ENO4: variants seen among roughly 807,000 people sequenced by gnomAD.
The protein encoded by ENO4 is 2-phospho-D-glycerate hydro-lyase.
Under a neutral mutation model 63.2 loss-of-function variants are expected in ENO4, and 53 were observed. The ratio of observed to expected loss-of-function variants is 0.84; its 90% confidence interval spans 0.67 to 1.05. ENO4 has a LOEUF of 1.05. Ranked by LOEUF, ENO4 falls within the 50% of genes least tolerant of loss-of-function variation. The pLI is 0.00. For synonymous variants in ENO4, 266 were observed against 283.8 expected, an observed-to-expected ratio of 0.94 and a Z score of 0.63; for missense variants, 719 against 772.0, an observed-to-expected ratio of 0.93 and a Z score of 0.81.
intron 11 of ENO4, among the ~76,000 whole-genome samples, chr10:116,877,373 A>G (rs1846867612): frequency 1.3e-5 from 2 of 152,148 alleles, no homozygotes; most frequent in African/African-American, 4.8e-5. Context: ...AGCTACTTAT[A>G]ATATATCCCG....
In ENO4 at chr10:116,879,753, G is replaced by A. The variant is rs1257977782; in HGVS notation, c.1606-116G>A. 8 of 793,018 alleles carry A rather than the reference G, an allele frequency of 1.0e-5. 1 individual carries two copies. Among genetic ancestry groups the A allele is most frequent in the Non-Finnish European group, 1.6e-5 (8 of 498,476 alleles). 49.1% of individuals were successfully genotyped at this position (793,018 alleles called of 1,614,324 possible). A position where few individuals can be genotyped will look rare whatever the true frequency, so the allele number is the denominator to read the frequency against. The stretch of plus-strand genomic sequence containing the variant: ...GTGCTTACATAAAGATAAAAAACTA[G>A]TAAGAGAAAATCCCAAACAGCACAC... On this transcript the variant is annotated intron_variant, in intron 12 of 13. Coordinates refer to ENST00000341276, the MANE Select transcript of ENO4 (RefSeq NM_001242699.2).
chr10:116,879,347 C>G lies in ENO4; in HGVS notation c.1594C>G (p.Leu532Val). Reference protein sequence around the residue: ...STEGESSDDSLVDLAVGLGVR... With the variant: ...STEGESSDDSVVDLAVGLGVR... ...AGAAGGAGAATCATCTGATGACAGC[C>G]TTGTCGATTTGGTAAGTGCTGAATG... The change falls in exon 12 of 14, where the codon CTT (leucine) becomes GTT (valine). Residue 532 changes from leucine to valine, a missense_variant. Coordinates refer to ENST00000341276, the MANE Select transcript of ENO4 (RefSeq NM_001242699.2). 6.5e-7 allele frequency: 1 copy of G among 1,549,842 alleles called. No individual in the cohort carries two copies. The highest frequency in any genetic ancestry group is 8.7e-7 in the Non-Finnish European group (1 of 1,146,394).
intron 7 of ENO4, among the ~76,000 whole-genome samples, chr10:116,863,902 G>A (rs375373751): frequency 1.3e-5 from 2 of 152,146 alleles, no homozygotes; most frequent in African/African-American, 4.8e-5. Context: ...CTCAGACTTC[G>A]ACAAGTTAGC....
chr10:116,906,041 A>G (rs2133335087), intron 10 of ENO4, among the ~76,000 whole-genome samples: 2 of 152,364 alleles, frequency 1.3e-5, no homozygotes, highest in South Asian at 4.1e-4. Flanking sequence ...AAGTTAATGG[A>G]TACAAAGAGT....
At chr10:116,893,722 A>T (rs745636214) in intron 10 of ENO4, among the ~76,000 whole-genome samples, 1 of 152,148 alleles carries the variant, frequency 6.6e-6, no homozygotes. Context: ...ATTTGAACAA[A>T]ACATGACCCC....
chr10:116,864,645 G>A (rs1326560583), intron 7 of ENO4, among the ~76,000 whole-genome samples: 1 of 152,060 alleles, frequency 6.6e-6, no homozygotes, highest in Admixed American at 6.6e-5. Flanking sequence ...CCTACAGACT[G>A]CCACCCTCAG....
chr10:116,884,083 A>G (rs1847096381), downstream of ENO4: 2 of 373,234 alleles, frequency 5.4e-6, no homozygotes, highest in Non-Finnish European at 1.1e-5. Flanking sequence ...AACAGAAGGA[A>G]GCATAAATAA....
intron 6 of ENO4, 24 bp downstream of exon 6, chr10:116,861,214 C>G: frequency 1.0e-6 from 1 of 958,916 alleles, no homozygotes; most frequent in South Asian, 3.8e-5. Flanking sequence ...TCTTAAATTA[C>G]CTTTTCTAAA....
At chr10:116,879,732 T>C (rs946830295) in intron 12 of ENO4, 137 bp from the exon 13 acceptor site, 2 of 690,980 alleles carry the variant, frequency 2.9e-6, no homozygotes, top group African/African-American at 3.6e-5. Flanking sequence ...GCCACTGTGC[T>C]TACATAAAGA....
At chr10:116,880,098 T>C (rs573936830) in intron 13 of ENO4, 112 bp downstream of exon 13, 4 of 752,966 alleles carry the variant, frequency 5.3e-6, no homozygotes, top group South Asian at 2.1e-5. Context: ...CCAAAGACCA[T>C]ACATAAGTGC....
chr10:116,911,390 A>C (rs1333903153), intron 10 of ENO4: 6 of 1,409,008 alleles, frequency 4.3e-6, no homozygotes, highest in East Asian at 2.5e-5. Flanking sequence ...TTTGGGGAGG[A>C]ATTTAGCTTC....
At chr10:116,908,983 C>T (rs1215250572) in intron 10 of ENO4, among the ~76,000 whole-genome samples, 2 of 152,148 alleles carry the variant, frequency 1.3e-5, no homozygotes, top group Non-Finnish European at 2.9e-5. Flanking sequence ...TGACTCTCAA[C>T]TGAAATGATG....
At chr10:116,854,583 G>A (rs1283357161) in intron 1 of ENO4, among the ~76,000 whole-genome samples, 1 of 147,928 alleles carries the variant, frequency 6.8e-6, no homozygotes, top group East Asian at 2.0e-4. Context: ...AAAAAATTCA[G>A]CCCATGTCAG....
intron 10 of ENO4, chr10:116,907,900 C>T (rs1238626723): frequency 3.9e-6 from 2 of 518,340 alleles, no homozygotes; most frequent in South Asian, 2.8e-5. Context: ...AATCCTGCTC[C>T]CTCCCTGCCT....
intron 10 of ENO4, chr10:116,900,963 AC>A: frequency 1.0e-6 from 1 of 985,432 alleles, no homozygotes; most frequent in Non-Finnish European, 1.2e-6. Context: ...TCCAGGTTTC[AC>A]CTTTTAAGCT....
At chr10:116,869,860 C>CT (rs1846642601) in intron 8 of ENO4, among the ~76,000 whole-genome samples, 1 of 152,110 alleles carries the variant, frequency 6.6e-6, no homozygotes, top group African/African-American at 2.4e-5. Context: ...GCTAAATTGC[C>CT]TGGATTAAAA....
chr10:116,860,208 G>A (rs1337768253), intron 4 of ENO4, among the ~76,000 whole-genome samples: 3 of 152,202 alleles, frequency 2.0e-5, no homozygotes, highest in South Asian at 2.1e-4. Context: ...GACTCTGTCC[G>A]GACCTCATGA....
At chr10:116,876,323 C>A in intron 11 of ENO4, 63 bp downstream of exon 11, 1 of 1,234,922 alleles carries the variant, frequency 8.1e-7, no homozygotes, top group Non-Finnish European at 1.1e-6. Flanking sequence ...ACCAAAAATA[C>A]ACAGCATATC....
chr10:116,854,671 A>C (rs1454984627), intron 1 of ENO4, among the ~76,000 whole-genome samples: 1 of 150,684 alleles, frequency 6.6e-6, no homozygotes, highest in Non-Finnish European at 1.5e-5. Flanking sequence ...GGCTGGGCAC[A>C]GTGGCTGACA....
Sources: allele counts gnomAD v4.1 joint callset (sites outside exome capture counted in the v4.1 genomes callset), GRCh38; gene constraint gnomAD v4.1.1; transcripts MANE v1.5; gene names NCBI Gene and HGNC (gene_info 2026-07-23, HGNC 2026-07-21).